The following TTC17 variants were observed in gnomAD, a reference collection of about 807,000 sequenced individuals.
TTC17 encodes tetratricopeptide repeat domain 17.
A neutral mutation model predicts 143.8 loss-of-function variants in TTC17; 58 were observed. That is an observed-to-expected ratio of 0.40 (90% CI 0.33 to 0.50). The LOEUF is 0.50. Among genes scored for constraint, TTC17 ranks in the 20% least tolerant of loss-of-function variants. The probability of loss-of-function intolerance (pLI) is 0.49; values close to 1 mark genes in which losing one functional copy is unlikely to be tolerated. For synonymous variants in TTC17, 501 were observed against 497.8 expected, an observed-to-expected ratio of 1.01 and a Z score of -0.09; for missense variants, 1,273 against 1,392.5, an observed-to-expected ratio of 0.91 and a Z score of 1.37.
intron 16 of TTC17, among the ~76,000 whole-genome samples, chr11:43,418,654 C>A (rs951450379): frequency 6.6e-6 from 1 of 150,964 alleles, no homozygotes; most frequent in African/African-American, 2.4e-5. Flanking sequence ...TTAAAAAAAA[C>A]AGCCTTTTTT....
At chr11:43,369,401 T>C (rs1226261197) in intron 1 of TTC17, among the ~76,000 whole-genome samples, 2 of 152,154 alleles carry the variant, frequency 1.3e-5, no homozygotes, top group Non-Finnish European at 2.9e-5. Flanking sequence ...AATTTACAGC[T>C]GTAAGGATAC....
chr11:43,468,764 A>G (rs955545053), intron 21 of TTC17, among the ~76,000 whole-genome samples: 1 of 152,108 alleles, frequency 6.6e-6, no homozygotes, highest in Non-Finnish European at 1.5e-5. Flanking sequence ...GCAAGACCCC[A>G]TCTCTACAAA....
chr11:43,434,456 T>G (rs536716107), intron 16 of TTC17, among the ~76,000 whole-genome samples: 21 of 152,266 alleles, frequency 1.4e-4, no homozygotes, highest in Admixed American at 3.9e-4. Context: ...CTGATCCAGA[T>G]CTCAGATCTA....
In TTC17 at chr11:43,399,870, G is replaced by C. The variant is rs752041611; in HGVS notation, c.1059-18G>C. On this transcript the variant is annotated intron_variant, in intron 8 of 23. Coordinates refer to ENST00000039989, the MANE Select transcript of TTC17 (RefSeq NM_018259.6). ...ATTTTATAGCTCTAACTTTTTCCTG[G>C]TATTAAAAAATGTTAAGATCTCTCC... 1 of 1,574,346 alleles carries C rather than the reference G, an allele frequency of 6.4e-7. No individual in the cohort carries two copies. The highest frequency in any genetic ancestry group is 1.2e-5 in the South Asian group (1 of 84,044).
chr11:43,440,575 A>G (rs1319818720), intron 16 of TTC17, among the ~76,000 whole-genome samples: 2 of 152,030 alleles, frequency 1.3e-5, no homozygotes, highest in East Asian at 1.9e-4. Context: ...CCTTAAGACA[A>G]CCTACTTCTG....
intron 16 of TTC17, chr11:43,436,477 G>C: frequency 1.4e-6 from 1 of 691,066 alleles, no homozygotes; most frequent in Non-Finnish European, 2.0e-6. Context: ...CCCCTAGGTG[G>C]TGAGGCAGAA....
intron 15 of TTC17, among the ~76,000 whole-genome samples, chr11:43,413,815 A>G (rs1464225238): frequency 2.0e-5 from 3 of 152,212 alleles, no homozygotes; most frequent in African/African-American, 7.2e-5. Context: ...AAGACTGACA[A>G]TACAGAGTCT....
rs1346289017 is a variant in TTC17 at position 43,399,883 on chromosome 11, T to C, written c.1059-5T>C. 6.3e-7 allele frequency: 1 copy of C among 1,589,468 alleles called. No individual in the cohort carries two copies. The highest frequency in any genetic ancestry group is 8.5e-7 in the Non-Finnish European group (1 of 1,171,738). On this transcript the variant is annotated splice_polypyrimidine_tract_variant and splice_region_variant and intron_variant, in intron 8 of 23. Transcript: ENST00000039989. ...AACTTTTTCCTGGTATTAAAAAATG[T>C]TAAGATCTCTCCAGCGAACACTGAA...
At chr11:43,367,727 TG>T (rs1856402408) in intron 1 of TTC17, among the ~76,000 whole-genome samples, 1 of 151,848 alleles carries the variant, frequency 6.6e-6, no homozygotes, top group African/African-American at 2.4e-5. Flanking sequence ...TGTGTGTGTG[TG>T]TGTGTGTGTG....
intron 16 of TTC17, among the ~76,000 whole-genome samples, chr11:43,419,024 A>G (rs768486261): frequency 6.6e-6 from 1 of 152,334 alleles, no homozygotes. Context: ...TAAAACCAAT[A>G]GGTTCTATGT....
intron 2 of TTC17, among the ~76,000 whole-genome samples, chr11:43,388,561 G>A (rs1406668851): frequency 1.3e-5 from 2 of 151,322 alleles, no homozygotes; most frequent in East Asian, 3.9e-4. Context: ...AATCTGAGCT[G>A]GGCATGGTGT....
At chr11:43,430,656 A>G (rs1379619246) in intron 16 of TTC17, among the ~76,000 whole-genome samples, 1 of 150,470 alleles carries the variant, frequency 6.6e-6, no homozygotes, top group East Asian at 1.9e-4. Context: ...GCTTTCTTCT[A>G]AAAGATTGGT....
In TTC17 at chr11:43,359,074, G is replaced by A. The variant is rs769994730; in HGVS notation, c.120G>A (p.Thr40=). 8 of 1,589,858 alleles carry A rather than the reference G, an allele frequency of 5.0e-6. No homozygotes were observed. The highest frequency in any genetic ancestry group is 6.0e-6 in the Non-Finnish European group (7 of 1,169,828). The change falls in exon 1 of 24, where the codon ACG becomes ACA. Residue 40 remains threonine (T), a synonymous_variant. Transcript: ENST00000039989. ...CGGCACGAGGGGCCTTCGCCACCAC[G>A]CACTGGGTCGTCACGGAGGACGGGA... The part of the protein sequence containing the change: ...SVAARGAFAT[T]HWVVTEDGKI...
rs371058166 is a variant in TTC17 at position 43,461,438 on chromosome 11, T to A, written c.3030+10173T>A. ...AAAACTAGAAGCCATTGTAACAACA[T>A]GTTTAAAGTGCTAGAATAAGAAAAC... is the stretch of plus-strand genomic sequence containing the variant. On this transcript the variant is annotated intron_variant, in intron 21 of 23. Coordinates refer to ENST00000039989, the MANE Select transcript of TTC17 (RefSeq NM_018259.6). Among the ~76,000 whole-genome samples, 7 of 138,346 alleles carry A rather than the reference T, an allele frequency of 5.1e-5. No individual in the cohort carries two copies. In the South Asian group the frequency reaches 1.2e-3, roughly 23 times the overall value. 90.8% of individuals were successfully genotyped at this position (138,346 alleles called of 152,430 possible). A position where few individuals can be genotyped will look rare whatever the true frequency, so the allele number is the denominator to read the frequency against.
intron 21 of TTC17, among the ~76,000 whole-genome samples, chr11:43,470,688 C>T (rs115392914): frequency 4.6e-5 from 7 of 152,266 alleles, no homozygotes; most frequent in African/African-American, 1.7e-4. Flanking sequence ...TGAGTTAAAA[C>T]TTTAGGGTAG....
At chr11:43,384,483 C>A (rs1857099946) in intron 2 of TTC17, among the ~76,000 whole-genome samples, 1 of 152,134 alleles carries the variant, frequency 6.6e-6, no homozygotes, top group Non-Finnish European at 1.5e-5. Context: ...TGGAGAAATG[C>A]TGTTTCTACC....
chr11:43,452,455 C>T lies in TTC17; in HGVS notation c.3030+1190C>T, dbSNP rs190835382. On this transcript the variant is annotated intron_variant, in intron 21 of 23. Transcript: ENST00000039989. ...GGCGGAGGTTGCAGTGAGCCAAGAT[C>T]GCGCCACTGCACTCCAGCCTGGGTG... Among the ~76,000 whole-genome samples the T allele has an allele frequency of 1.9e-4, 29 of 152,172 alleles. No homozygotes were observed. In the East Asian group the frequency reaches 5.2e-3, roughly 27 times the overall value.
At chr11:43,377,965 G>A (rs969012398) in intron 1 of TTC17, among the ~76,000 whole-genome samples, 5 of 152,032 alleles carry the variant, frequency 3.3e-5, no homozygotes, top group African/African-American at 1.2e-4. Context: ...GTGCGTTGGC[G>A]CAATCTCAGG....
At chr11:43,461,245 G>A (rs1215353443) in intron 21 of TTC17, among the ~76,000 whole-genome samples, 11 of 151,822 alleles carry the variant, frequency 7.2e-5, no homozygotes, top group Non-Finnish European at 1.5e-4. Flanking sequence ...TTAGCCGGGC[G>A]CAGTGGCGGG....
Sources: gnomAD v4.1 joint callset for allele counts (sites outside exome capture counted in the v4.1 genomes callset) on GRCh38, gnomAD v4.1.1 for gene constraint, MANE v1.5 for transcripts, NCBI Gene and HGNC (gene_info 2026-07-23, HGNC 2026-07-21) for gene names.